The following PLCE1 variants were observed in gnomAD, a reference collection of about 807,000 sequenced individuals.
PLCE1 encodes the protein 1-phosphatidylinositol 4,5-bisphosphate phosphodiesterase epsilon-1.
PLCE1 carries 119 observed loss-of-function variants against 242.8 expected under a neutral mutation model. The ratio of observed to expected loss-of-function variants is 0.49; its 90% CI spans 0.42 to 0.57. The LOEUF is 0.57. Ranked by LOEUF, PLCE1 falls within the 20% of genes least tolerant of loss-of-function variation. The pLI, the probability that PLCE1 is intolerant of heterozygous loss-of-function variation, is 0.00. For synonymous variants in PLCE1, 945 were observed against 1,017.4 expected (o/e 0.93, Z 1.35); for missense variants, 2,441 against 2,788.8 (o/e 0.88, Z 2.81).
intron 3 of PLCE1, among the ~76,000 whole-genome samples, chr10:94,156,182 T>A (rs2047427939): frequency 6.6e-6 from 1 of 152,168 alleles, no homozygotes; most frequent in Non-Finnish European, 1.5e-5. Flanking sequence ...GGGTTTTCCA[T>A]ACCAAGAATG....
At chr10:94,010,645 C>T (rs1263758798) in intron 1 of PLCE1, among the ~76,000 whole-genome samples, 1 of 152,192 alleles carries the variant, frequency 6.6e-6, no homozygotes, top group Middle Eastern at 3.2e-3. Flanking sequence ...AGTCAGGCTA[C>T]CTCTTGAATG....
chr10:94,315,338 C>G, intron 28 of PLCE1: 2 of 452,620 alleles, frequency 4.4e-6, no homozygotes, highest in Non-Finnish European at 8.9e-6. Flanking sequence ...AGGGTGTTTG[C>G]TTAATCCAGA....
chr10:94,080,304 C>A (rs1288462454), intron 2 of PLCE1, among the ~76,000 whole-genome samples: 1 of 152,214 alleles, frequency 6.6e-6, no homozygotes, highest in African/African-American at 2.4e-5. Flanking sequence ...CTGGGACACA[C>A]TCTCCTAGCT....
chr10:94,199,330 A>G (rs776552080), intron 4 of PLCE1, among the ~76,000 whole-genome samples: 1 of 152,242 alleles, frequency 6.6e-6, no homozygotes, highest in Admixed American at 6.5e-5. Context: ...TGAACATTCC[A>G]GTTGCTCCAT....
intron 2 of PLCE1, among the ~76,000 whole-genome samples, chr10:94,130,170 G>A (rs1021562618): frequency 1.3e-5 from 2 of 152,174 alleles, no homozygotes; most frequent in Non-Finnish European, 2.9e-5. Flanking sequence ...ATGATTTGGA[G>A]CCAAGAGAAT....
intron 4 of PLCE1, among the ~76,000 whole-genome samples, chr10:94,178,030 T>C (rs2048178369): frequency 6.6e-6 from 1 of 152,216 alleles, no homozygotes; most frequent in South Asian, 2.1e-4. Flanking sequence ...TGTTGTGTTG[T>C]TCACCAATGA....
At chr10:94,146,788 T>C (rs2047126932) in intron 3 of PLCE1, among the ~76,000 whole-genome samples, 1 of 152,230 alleles carries the variant, frequency 6.6e-6, no homozygotes, top group South Asian at 2.1e-4. Flanking sequence ...TCAAATGTCT[T>C]AATGCCTCAG....
In PLCE1 at chr10:93,994,065, A is replaced by G. The variant is rs2911857; in HGVS notation, c.-558A>G. ...GGCAGCGGCGGCGCGCCCGGGCTCT[A>G]CCTCCCGGGCTCTGCCTCCCGGGCT... On this transcript the variant is annotated 5_prime_UTR_variant, in exon 1 of 33. Transcript: ENST00000371380. Among the ~76,000 whole-genome samples, 44,572 of 105,918 alleles carry G rather than the reference A, an allele frequency of 0.42. 7,971 individuals carry two copies. Among genetic ancestry groups the G allele is most frequent in the East Asian group, 0.61 (2,575 of 4,198 alleles). 69.5% of individuals were successfully genotyped at this position (105,918 alleles called of 152,430 possible).
chr10:94,142,210 A>G (rs1022473901), intron 3 of PLCE1, among the ~76,000 whole-genome samples: 10 of 152,210 alleles, frequency 6.6e-5, no homozygotes, highest in Admixed American at 6.5e-4. Context: ...GTTTTGAGGA[A>G]TAAGTGTGAC....
At chr10:94,184,493 C>G (rs11187803) in intron 4 of PLCE1, among the ~76,000 whole-genome samples, 54,347 of 152,034 alleles carry the variant, frequency 0.36, 11,178 homozygotes, top group East Asian at 0.56. Context: ...CCATGCCCAG[C>G]TAATTTTTGT....
chr10:94,242,815 CA>C (rs1455817677), intron 7 of PLCE1, among the ~76,000 whole-genome samples: 2 of 150,974 alleles, frequency 1.3e-5, no homozygotes, highest in Non-Finnish European at 2.9e-5. Context: ...GCCACAGCAA[CA>C]AAATAAATAA....
chr10:94,132,672 C>T (rs189166192), intron 3 of PLCE1, among the ~76,000 whole-genome samples: 89 of 151,522 alleles, frequency 5.9e-4, no homozygotes, highest in South Asian at 1.3e-3. Context: ...ATTTTGAGGC[C>T]GGGTGCGGTG....
chr10:94,125,593 T>G (rs1367780201), intron 2 of PLCE1, among the ~76,000 whole-genome samples: 2 of 152,162 alleles, frequency 1.3e-5, no homozygotes, highest in Non-Finnish European at 2.9e-5. Context: ...ATAGAGCTGT[T>G]CTGCGGTTTA....
At chr10:94,151,305 T>C (rs1453364186) in intron 3 of PLCE1, among the ~76,000 whole-genome samples, 1 of 152,180 alleles carries the variant, frequency 6.6e-6, no homozygotes, top group Non-Finnish European at 1.5e-5. Context: ...AGGAGCTTGT[T>C]GCAAATATTC....
chr10:94,076,179 C>T (rs1362784743), intron 2 of PLCE1, among the ~76,000 whole-genome samples: 3 of 151,766 alleles, frequency 2.0e-5, no homozygotes, highest in South Asian at 2.1e-4. Context: ...GCTGCTTCTG[C>T]GGTAGCTCTA....
In PLCE1 at chr10:94,032,120, G is replaced by A. The variant is rs1014697890; in HGVS notation, c.1074G>A (p.Leu358=). ...VRTLPSGHIG[L]TAWSYIDQKR... ...CTCTGCCTTCTGGCCACATTGGGCTGACTGCATGGAGTTACATAGATCAGA... is the reference window on the plus strand; with the variant it reads ...CTCTGCCTTCTGGCCACATTGGGCTAACTGCATGGAGTTACATAGATCAGA... The change falls in exon 2 of 33, where the codon CTG becomes CTA. Residue 358 remains leucine (L), a synonymous_variant. Coordinates refer to ENST00000371380, the MANE Select transcript of PLCE1 (RefSeq NM_016341.4). 1.9e-6 allele frequency: 3 copies of A among 1,610,584 alleles called. No individual in the cohort carries two copies. The highest frequency in any genetic ancestry group is 2.5e-6 in the Non-Finnish European group (3 of 1,178,812).
intron 21 of PLCE1, among the ~76,000 whole-genome samples, chr10:94,284,233 T>C (rs1414915112): frequency 6.6e-6 from 1 of 152,212 alleles, no homozygotes; most frequent in Non-Finnish European, 1.5e-5. Flanking sequence ...TACTGTGTTA[T>C]CAGAGAATCA....
intron 4 of PLCE1, among the ~76,000 whole-genome samples, chr10:94,204,802 G>GGAAGGAAA (rs1564786995): frequency 3.9e-3 from 145 of 37,072 alleles, no homozygotes; most frequent in African/African-American, 0.014. Context: ...AAGGAAGGAA[G>GGAAGGAAA]CAAAATAATG....
chr10:94,315,201 G>A, intron 28 of PLCE1: 1 of 333,616 alleles, frequency 3.0e-6, no homozygotes, highest in Non-Finnish European at 5.9e-6. Flanking sequence ...CAAGGGCTGG[G>A]GTGGAGAGAT....
Sources: gnomAD v4.1 joint callset for allele counts (sites outside exome capture counted in the v4.1 genomes callset) on GRCh38, gnomAD v4.1.1 for gene constraint, MANE v1.5 for transcripts, NCBI Gene and HGNC (gene_info 2026-07-23, HGNC 2026-07-21) for gene names.